Variants in ARHGAP8 observed in about 807,000 individuals in gnomAD.
ARHGAP8 encodes the protein Rho GTPase activating protein 8, also known as rho GTPase-activating protein 8.
ARHGAP8 carries 62 observed loss-of-function variants against 46.1 expected under a neutral mutation model. That is an observed-to-expected ratio of 1.34 (90% CI 1.10 to 1.66). The LOEUF is 1.66. Among genes scored for constraint, ARHGAP8 ranks in the 40% most tolerant of loss-of-function variants. The probability of loss-of-function intolerance (pLI) is 0.00; values close to 1 mark genes in which losing one functional copy is unlikely to be tolerated. For synonymous variants in ARHGAP8, 375 were observed against 243.1 expected, an observed-to-expected ratio of 1.54 and a Z score of -5.05; for missense variants, 923 against 568.4, an observed-to-expected ratio of 1.62 and a Z score of -6.34.
chr22:44,782,000 C>T (rs1926877661), intron 1 of ARHGAP8, among the ~76,000 whole-genome samples: 1 of 152,038 alleles, frequency 6.6e-6, no homozygotes, highest in Non-Finnish European at 1.5e-5. Context: ...GTGTCTAGCC[C>T]TTCTCTTTTA....
intron 2 of ARHGAP8, among the ~76,000 whole-genome samples, chr22:44,788,171 T>C (rs764206540): frequency 7.9e-5 from 12 of 151,906 alleles, no homozygotes; most frequent in Non-Finnish European, 1.5e-4. Context: ...CAGACTGGAG[T>C]GCAATGGCAC....
At chr22:44,828,353 A>G (rs1243491492) in intron 7 of ARHGAP8, among the ~76,000 whole-genome samples, 1 of 151,634 alleles carries the variant, frequency 6.6e-6, no homozygotes, top group Non-Finnish European at 1.5e-5. Flanking sequence ...AGGCACCTGC[A>G]GTGACCTCGG....
At chr22:44,788,754 GGT>G in intron 2 of ARHGAP8, among the ~76,000 whole-genome samples, 1 of 152,182 alleles carries the variant, frequency 6.6e-6, no homozygotes, top group East Asian at 1.9e-4. Context: ...TTTCTAATAT[GGT>G]AAATATATAT....
In ARHGAP8 at chr22:44,822,243, C is replaced by T. The variant is rs1410561996; in HGVS notation, c.387-128C>T. On this transcript the variant is annotated intron_variant, in intron 5 of 11. Coordinates refer to ENST00000356099, the MANE Select transcript of ARHGAP8 (RefSeq NM_181335.3). The stretch of plus-strand genomic sequence containing the variant: ...ATGTTCGGGTTTTAAGTCGTGTCAG[C>T]GTTTACATTTTCTTAATATGAAAAA... 4 of 754,452 alleles carry T rather than the reference C, an allele frequency of 5.3e-6. No individual in the cohort carries two copies. The African/African-American group carries it at 7.4e-5, about 14-fold the overall frequency. The allele number at this position is 754,452 out of a possible 1,614,324, so 46.7% of individuals were successfully genotyped here.
chr22:44,808,061 C>T lies in ARHGAP8; in HGVS notation c.168-246C>T, dbSNP rs917766089. Among the ~76,000 whole-genome samples the T allele has an allele frequency of 9.2e-5, 14 of 152,294 alleles. 1 individual carries two copies. Among genetic ancestry groups the T allele is most frequent in the Admixed American group, 2.6e-4 (4 of 15,302 alleles). On this transcript the variant is annotated intron_variant, in intron 3 of 11. Transcript: ENST00000356099. ...CACGGATTTGATATGGATGTCTTTC[C>T]ACGGGCAACAATCTGGCCTACCACA... is the stretch of plus-strand genomic sequence containing the variant.
At chr22:44,843,487 AAGT>A (rs1411766678) in intron 7 of ARHGAP8, among the ~76,000 whole-genome samples, 1 of 152,204 alleles carries the variant, frequency 6.6e-6, no homozygotes, top group Non-Finnish European at 1.5e-5. Context: ...AAAAATAATA[AAGT>A]AGTATGAGGC....
intron 9 of ARHGAP8, among the ~76,000 whole-genome samples, chr22:44,848,384 C>A (rs1240630873): frequency 1.3e-5 from 2 of 152,218 alleles, no homozygotes; most frequent in African/African-American, 4.8e-5. Flanking sequence ...GGCAGCTCCC[C>A]CGAATTGGCT....
At chr22:44,779,134 C>G (rs373705680) in intron 1 of ARHGAP8, among the ~76,000 whole-genome samples, 7 of 145,872 alleles carry the variant, frequency 4.8e-5, no homozygotes, top group Admixed American at 7.0e-5. Context: ...GAGTCTCACT[C>G]TGTCACCCAG....
intron 7 of ARHGAP8, among the ~76,000 whole-genome samples, chr22:44,827,270 T>C (rs1033611016): frequency 3.3e-5 from 5 of 149,972 alleles, no homozygotes; most frequent in Non-Finnish European, 5.9e-5. Flanking sequence ...TGGAACACAG[T>C]CAGGTCAACC....
chr22:44,795,906 G>A (rs917443568), intron 2 of ARHGAP8, among the ~76,000 whole-genome samples: 2 of 151,962 alleles, frequency 1.3e-5, no homozygotes, highest in Non-Finnish European at 2.9e-5. Context: ...TGCACAGGCA[G>A]CTCCTCCTCC....
In ARHGAP8 at chr22:44,862,438, G is replaced by C; in HGVS notation, c.1145G>C (p.Ser382Thr). The C allele has an allele frequency of 6.2e-7, 1 of 1,614,102 alleles. No individual in the cohort carries two copies. Among genetic ancestry groups the C allele is most frequent in the Non-Finnish European group, 8.5e-7 (1 of 1,180,020 alleles). Residue 382 changes from serine (S) to threonine (T), a missense_variant, in exon 12 of 12, where the codon AGC (serine) becomes ACC (threonine). Physicochemically the swap from Ser to Thr is moderately conservative, Grantham distance 58 (BLOSUM62 1). Transcript: ENST00000356099. ...ATCGAGTACTATGAAAAGATCTTCAGCACCCCGGAGGCACCTGGGGAGCAC... is the reference window on the plus strand; with the variant it reads ...ATCGAGTACTATGAAAAGATCTTCACCACCCCGGAGGCACCTGGGGAGCAC... The part of the protein sequence containing the change: ...LLIEYYEKIF[S>T]TPEAPGEHGL...
chr22:44,782,026 C>T (rs1024324481), intron 1 of ARHGAP8, among the ~76,000 whole-genome samples: 1 of 151,996 alleles, frequency 6.6e-6, no homozygotes, highest in Non-Finnish European at 1.5e-5. Flanking sequence ...GACTGAAATT[C>T]GTGTAACATT....
intron 4 of ARHGAP8, chr22:44,808,829 A>C (rs1219234168): frequency 2.7e-6 from 1 of 371,702 alleles, no homozygotes; most frequent in Non-Finnish European, 5.2e-6. Context: ...AAAACCAAAA[A>C]CAAAAACAGA....
At position 44,841,969 on chromosome 22, in the gene ARHGAP8, G is replaced by A. The variant is rs114965411; in HGVS notation, c.597-3300G>A. Among the ~76,000 whole-genome samples the A allele has an allele frequency of 2.0e-3, 298 of 152,258 alleles. 1 individual carries two copies. The highest frequency in any genetic ancestry group is 6.9e-3 in the African/African-American group (285 of 41,558). On this transcript the variant is annotated intron_variant, in intron 7 of 11. Transcript: ENST00000356099. ...GTGGCTCCTGATCAGCACCAGGTGC[G>A]GGGAGCACTGCCAAAATCTGCTTCT...
chr22:44,822,570 T>C, intron 6 of ARHGAP8, 101 bp downstream of exon 6: 1 of 1,098,524 alleles, frequency 9.1e-7, no homozygotes, highest in Non-Finnish European at 1.2e-6. Flanking sequence ...TTTCCAAATG[T>C]GTGCTTGGCT....
intron 4 of ARHGAP8, chr22:44,809,005 G>T: frequency 2.4e-6 from 1 of 424,170 alleles, no homozygotes; most frequent in Admixed American, 2.7e-5. Flanking sequence ...TTTTTTTGTA[G>T]AGACGGGGAT....
In ARHGAP8 at chr22:44,859,629, C is replaced by G. The variant is rs2070365201; in HGVS notation, c.878-102C>G. On this transcript the variant is annotated intron_variant, in intron 10 of 11. Transcript: ENST00000356099. ...AAGCCCAAATGTGGGATAGTCCATC[C>G]TCAGAGCTGTCCTTCCTACACCCCT... 6 of 1,298,428 alleles carry G rather than the reference C, an allele frequency of 4.6e-6. No individual in the cohort carries two copies. The South Asian group carries it at 7.4e-5, about 16-fold the overall frequency. The allele number at this position is 1,298,428 out of a possible 1,614,324, so 80.4% of individuals were successfully genotyped here.
At chr22:44,853,234 T>C (rs956751375) in intron 10 of ARHGAP8, among the ~76,000 whole-genome samples, 7 of 152,174 alleles carry the variant, frequency 4.6e-5, no homozygotes, top group Admixed American at 1.3e-4. Context: ...AATTTAGATG[T>C]CTTTGGTGAT....
intron 1 of ARHGAP8, among the ~76,000 whole-genome samples, chr22:44,778,700 AT>A (rs1427642408): frequency 6.6e-6 from 1 of 152,070 alleles, no homozygotes; most frequent in East Asian, 1.9e-4. Flanking sequence ...TTATTTTATG[AT>A]TTTTTGATTA....
Sources: gnomAD v4.1 joint callset for allele counts (sites outside exome capture counted in the v4.1 genomes callset) on GRCh38, gnomAD v4.1.1 for gene constraint, MANE v1.5 for transcripts, NCBI Gene and HGNC (gene_info 2026-07-23, HGNC 2026-07-21) for gene names.